Variants in CSMD1 observed in about 807,000 individuals in gnomAD.
The protein encoded by CSMD1 is CUB and Sushi multiple domains 1, also known as CUB and sushi domain-containing protein 1.
In CSMD1, 213 loss-of-function variants were observed where a neutral mutation model predicts 417.5. The observed-to-expected ratio is 0.51, with a 90% CI of 0.46 to 0.57. The LOEUF (loss-of-function observed/expected upper bound fraction) is 0.57. Ranked by LOEUF, CSMD1 falls within the 20% of genes least tolerant of loss-of-function variation. The probability of loss-of-function intolerance (pLI) is 0.00; values close to 1 mark genes in which losing one functional copy is unlikely to be tolerated. For synonymous variants in CSMD1, 2,862 were observed against 1,736.8 expected (o/e 1.65, Z -16.11); for missense variants, 6,923 against 4,529.7 (o/e 1.53, Z -15.17).
intron 3 of CSMD1, among the ~76,000 whole-genome samples, chr8:4,311,890 T>C (rs1268453079): frequency 1.3e-5 from 2 of 151,934 alleles, no homozygotes; most frequent in African/African-American, 2.4e-5. Flanking sequence ...GATCAAATAA[T>C]ACATGCAACG....
At chr8:4,117,370 G>C (rs1301370795) in intron 3 of CSMD1, among the ~76,000 whole-genome samples, 1 of 150,960 alleles carries the variant, frequency 6.6e-6, no homozygotes, top group Non-Finnish European at 1.5e-5. Context: ...CATAACACCG[G>C]GACACCAGGC....
chr8:3,341,222 C>T lies in CSMD1; in HGVS notation c.3631+2072G>A, dbSNP rs914546217. Reference sequence around the variant, plus strand: ...GGGTGGACATCAACATGGAACAAGCCGACCACCTATAGTTTCCATACGGTC... The same window carrying T: ...GGGTGGACATCAACATGGAACAAGCTGACCACCTATAGTTTCCATACGGTC... On this transcript the variant is annotated intron_variant, in intron 23 of 69. Coordinates refer to ENST00000635120, the MANE Select transcript of CSMD1 (RefSeq NM_033225.6). Among the ~76,000 whole-genome samples, 6 of 152,146 alleles carry T rather than the reference C, an allele frequency of 3.9e-5. No homozygotes were observed. The East Asian group carries it at 7.8e-4, about 20-fold the overall frequency.
chr8:3,630,915 C>G (rs1023489881), intron 7 of CSMD1, among the ~76,000 whole-genome samples: 2 of 152,186 alleles, frequency 1.3e-5, no homozygotes, highest in African/African-American at 4.8e-5. Flanking sequence ...GAGCCGAGAT[C>G]TCTTAGAGAA....
chr8:4,835,659 T>C (rs1800433989), intron 1 of CSMD1, among the ~76,000 whole-genome samples: 1 of 152,176 alleles, frequency 6.6e-6, no homozygotes, highest in Admixed American at 6.5e-5. Flanking sequence ...ATCGGTGAGT[T>C]TGCATGTAAC....
At chr8:3,958,765 T>C (rs1278319651) in intron 5 of CSMD1, among the ~76,000 whole-genome samples, 1 of 152,214 alleles carries the variant, frequency 6.6e-6, no homozygotes, top group Non-Finnish European at 1.5e-5. Context: ...AGCACCCTTC[T>C]GTCCAGTTCA....
intron 10 of CSMD1, among the ~76,000 whole-genome samples, chr8:3,540,655 G>A (rs368716231): frequency 6.6e-6 from 1 of 151,876 alleles, no homozygotes; most frequent in Non-Finnish European, 1.5e-5. Context: ...CTAATATCCA[G>A]AATCTACAAG....
chr8:3,993,642 T>G (rs1182768645), intron 5 of CSMD1, among the ~76,000 whole-genome samples: 1 of 152,212 alleles, frequency 6.6e-6, no homozygotes, highest in Non-Finnish European at 1.5e-5. Flanking sequence ...AGGGTCAAGT[T>G]ATGCTGGTTC....
At chr8:3,661,416 G>A (rs1322343036) in intron 7 of CSMD1, among the ~76,000 whole-genome samples, 3 of 152,242 alleles carry the variant, frequency 2.0e-5, no homozygotes, top group East Asian at 1.9e-4. Flanking sequence ...CTTCCACCAC[G>A]TGGCTGTGCT....
intron 50 of CSMD1, among the ~76,000 whole-genome samples, chr8:3,040,605 C>T (rs1004183984): frequency 6.6e-6 from 1 of 151,720 alleles, no homozygotes. Context: ...GAGTTCAGGA[C>T]CAGCCTGGCC....
chr8:4,770,683 A>G (rs1268714008), intron 1 of CSMD1, among the ~76,000 whole-genome samples: 1 of 151,700 alleles, frequency 6.6e-6, no homozygotes, highest in Non-Finnish European at 1.5e-5. Flanking sequence ...CTAATTTTCA[A>G]CAAGAGTACA....
intron 12 of CSMD1, among the ~76,000 whole-genome samples, chr8:3,438,774 T>A (rs1814740533): frequency 6.6e-6 from 1 of 151,990 alleles, no homozygotes; most frequent in Non-Finnish European, 1.5e-5. Flanking sequence ...GATAAATGAT[T>A]GGAAGTGCAA....
chr8:4,426,959 A>G (rs1372548553), intron 2 of CSMD1, among the ~76,000 whole-genome samples: 1 of 151,996 alleles, frequency 6.6e-6, no homozygotes, highest in Non-Finnish European at 1.5e-5. Context: ...CGGTCACTGG[A>G]TAAGACTGGC....
chr8:3,682,128 T>C (rs1357854632), intron 7 of CSMD1, among the ~76,000 whole-genome samples: 2 of 152,192 alleles, frequency 1.3e-5, no homozygotes, highest in Admixed American at 6.5e-5. Context: ...GACATAGGCA[T>C]GGGCAAGGAC....
intron 50 of CSMD1, among the ~76,000 whole-genome samples, chr8:3,042,660 C>G (rs1056978859): frequency 6.6e-6 from 1 of 152,102 alleles, no homozygotes; most frequent in African/African-American, 2.4e-5. Context: ...GAAAGGTACT[C>G]AAGCTCCCAT....
chr8:3,927,545 A>C (rs1451042276), intron 5 of CSMD1, among the ~76,000 whole-genome samples: 1 of 149,680 alleles, frequency 6.7e-6, no homozygotes, highest in Non-Finnish European at 1.5e-5. Context: ...CATCACTGTA[A>C]TCCCAGCTAC....
chr8:2,955,539 C>G, intron 64 of CSMD1, 50 bp downstream of exon 64: 1 of 1,587,528 alleles, frequency 6.3e-7, no homozygotes, highest in South Asian at 1.1e-5. Flanking sequence ...GCAGCTGATC[C>G]TTTCCCTTGC....
At chr8:3,815,616 G>C (rs977582383) in intron 5 of CSMD1, among the ~76,000 whole-genome samples, 2 of 122,930 alleles carry the variant, frequency 1.6e-5, no homozygotes, top group Admixed American at 9.0e-5. Context: ...GTCTATCACT[G>C]CTAGACTTTC....
chr8:3,966,754 C>G (rs963885564), intron 5 of CSMD1, among the ~76,000 whole-genome samples: 2 of 30,282 alleles, frequency 6.6e-5, no homozygotes, highest in Non-Finnish European at 1.2e-4. Flanking sequence ...CACACACACA[C>G]GCGCGCGCGC....
At chr8:4,173,442 G>T (rs571445443) in intron 3 of CSMD1, among the ~76,000 whole-genome samples, 7 of 152,186 alleles carry the variant, frequency 4.6e-5, no homozygotes, top group African/African-American at 1.7e-4. Flanking sequence ...ACCAGAGGAC[G>T]TTACTGAAGC....
Sources: gnomAD v4.1 joint callset for allele counts (sites outside exome capture counted in the v4.1 genomes callset) on GRCh38, gnomAD v4.1.1 for gene constraint, MANE v1.5 for transcripts, NCBI Gene and HGNC (gene_info 2026-07-23, HGNC 2026-07-21) for gene names.